Variants in SVOPL observed in about 807,000 individuals in gnomAD.
The protein encoded by SVOPL is putative transporter SVOPL.
SVOPL carries 60 observed loss-of-function variants against 61.0 expected under a neutral mutation model. The ratio of observed to expected loss-of-function variants is 0.98; its 90% CI spans 0.80 to 1.22. SVOPL has a LOEUF of 1.22. SVOPL is among the 50% of genes most tolerant of loss of function. The pLI, the probability that SVOPL is intolerant of heterozygous loss-of-function variation, is 0.00. For missense variants in SVOPL, 662 were observed against 643.9 expected, an observed-to-expected ratio of 1.03 and a Z score of -0.30; for synonymous variants, 279 against 250.0, an observed-to-expected ratio of 1.12 and a Z score of -1.09.
At chr7:138,678,552 A>T (rs1053168385) in intron 2 of SVOPL, 27 bp from the exon 3 acceptor site, 1 of 1,550,382 alleles carries the variant, frequency 6.5e-7, no homozygotes, top group African/African-American at 1.4e-5. Context: ...AAGTGGAAAA[A>T]ATTGCTTCTG....
chr7:138,606,209 T>C (rs560811564), intron 14 of SVOPL, among the ~76,000 whole-genome samples: 1 of 152,218 alleles, frequency 6.6e-6, no homozygotes, highest in Admixed American at 6.5e-5. Context: ...TACAATATTG[T>C]TGCAGTCTTG....
At chr7:138,622,825 AT>A (rs1485284679) in intron 13 of SVOPL, among the ~76,000 whole-genome samples, 1 of 152,226 alleles carries the variant, frequency 6.6e-6, no homozygotes, top group African/African-American at 2.4e-5. Context: ...TTGGTTTTTC[AT>A]TGATTCAGAA....
intron 3 of SVOPL, among the ~76,000 whole-genome samples, chr7:138,672,458 C>T (rs879230021): frequency 1.4e-4 from 21 of 152,014 alleles, no homozygotes; most frequent in Admixed American, 3.9e-4. Context: ...ACTAGCTAAC[C>T]GGCAGCATCC....
chr7:138,700,898 C>T (rs1803181833), intron 1 of SVOPL, among the ~76,000 whole-genome samples: 1 of 152,164 alleles, frequency 6.6e-6, no homozygotes, highest in Admixed American at 6.6e-5. Context: ...AGATGGAGTT[C>T]AAGCTTCATT....
chr7:138,611,400 A>G (rs934294508), intron 14 of SVOPL, among the ~76,000 whole-genome samples: 41 of 151,722 alleles, frequency 2.7e-4, no homozygotes, highest in Non-Finnish European at 3.2e-4. Flanking sequence ...CCCCAAAACA[A>G]AACAAAACAA....
chr7:138,675,259 GA>G (rs940710243), intron 3 of SVOPL, among the ~76,000 whole-genome samples: 10 of 150,330 alleles, frequency 6.7e-5, no homozygotes, highest in East Asian at 1.9e-4. Context: ...AAGAAAAAAA[GA>G]AAAAAAAATA....
At chr7:138,674,311 C>T (rs940759012) in intron 3 of SVOPL, among the ~76,000 whole-genome samples, 2 of 151,880 alleles carry the variant, frequency 1.3e-5, no homozygotes, top group Non-Finnish European at 2.9e-5. Context: ...ACACGAGGCC[C>T]GGAAACCCAA....
intron 13 of SVOPL, chr7:138,625,154 C>A (rs1407703255): frequency 6.6e-6 from 1 of 152,172 alleles, no homozygotes; most frequent in African/African-American, 2.4e-5. Flanking sequence ...TATAAATCAA[C>A]TTTAGATTTT....
At chr7:138,661,812 T>A (rs2117080382) in intron 5 of SVOPL, 1 of 971,142 alleles carries the variant, frequency 1.0e-6, no homozygotes, top group East Asian at 1.1e-4. Context: ...ACTGTATGAC[T>A]TCCGAGCTGC....
chr7:138,642,380 T>A (rs1474179328), intron 9 of SVOPL, among the ~76,000 whole-genome samples: 1 of 150,220 alleles, frequency 6.7e-6, no homozygotes, highest in East Asian at 1.9e-4. Context: ...AAACTTCTAG[T>A]AAGCTGGACC....
At chr7:138,652,525 C>T (rs1801489634) in intron 7 of SVOPL, among the ~76,000 whole-genome samples, 1 of 152,142 alleles carries the variant, frequency 6.6e-6, no homozygotes, top group South Asian at 2.1e-4. Flanking sequence ...ATGATTAAAG[C>T]TTCATGAGGA....
At chr7:138,650,608 G>A (rs1339606701) in intron 7 of SVOPL, among the ~76,000 whole-genome samples, 2 of 147,418 alleles carry the variant, frequency 1.4e-5, no homozygotes, top group Non-Finnish European at 3.0e-5. Context: ...CCAGGAGTTT[G>A]AGACTAGCCT....
chr7:138,595,452 T>C (rs1424470480), intron 15 of SVOPL, among the ~76,000 whole-genome samples: 3 of 152,176 alleles, frequency 2.0e-5, no homozygotes, highest in Admixed American at 2.0e-4. Context: ...CATTTCCCCA[T>C]AGTGCTAAAA....
chr7:138,697,713 A>G (rs534949691), intron 1 of SVOPL, among the ~76,000 whole-genome samples: 3 of 149,814 alleles, frequency 2.0e-5, no homozygotes, highest in African/African-American at 7.5e-5. Flanking sequence ...AAGGATAAGA[A>G]GAGGAAGAGG....
chr7:138,660,088 T>TA, intron 5 of SVOPL, 100 bp from the exon 6 acceptor site: 1 of 1,503,398 alleles, frequency 6.7e-7, no homozygotes, highest in Non-Finnish European at 8.9e-7. Context: ...TCCTGATAGT[T>TA]GCTTCTCTGA....
At chr7:138,643,411 A>C (rs777637349) in intron 9 of SVOPL, among the ~76,000 whole-genome samples, 22 of 134,846 alleles carry the variant, frequency 1.6e-4, no homozygotes, top group South Asian at 4.8e-4. Context: ...GGCAAGAGTG[A>C]GACTCCATCT....
intron 9 of SVOPL, among the ~76,000 whole-genome samples, chr7:138,643,381 C>T (rs758037627): frequency 5.5e-5 from 8 of 144,260 alleles, no homozygotes; most frequent in Admixed American, 1.4e-4. Flanking sequence ...GCCAAGATCA[C>T]GCCACTGCAC....
At chr7:138,645,446 A>G (rs1801053280) in intron 8 of SVOPL, among the ~76,000 whole-genome samples, 1 of 152,166 alleles carries the variant, frequency 6.6e-6, no homozygotes, top group Non-Finnish European at 1.5e-5. Flanking sequence ...CCTCCACAGC[A>G]GCACCTGGCC....
At chr7:138,697,624 AAAAAAAG>A (rs769446290) in intron 1 of SVOPL, among the ~76,000 whole-genome samples, 4,932 of 141,802 alleles carry the variant, frequency 0.035, 69 homozygotes, top group East Asian at 0.079. Context: ...AAAAAAAAAA[AAAAAAAG>A]AAGAAGAAGA....
Sources: gnomAD v4.1 joint callset for allele counts (sites outside exome capture counted in the v4.1 genomes callset) on GRCh38, gnomAD v4.1.1 for gene constraint, MANE v1.5 for transcripts, NCBI Gene and HGNC (gene_info 2026-07-23, HGNC 2026-07-21) for gene names.